EEPD1: variants seen among roughly 807,000 people sequenced by gnomAD.
EEPD1 encodes endonuclease/exonuclease/phosphatase family domain-containing protein 1.
Under a neutral mutation model 46.3 loss-of-function variants are expected in EEPD1, and 17 were observed. The observed-to-expected ratio is 0.37, with a 90% CI of 0.25 to 0.55. EEPD1 has a LOEUF of 0.55. Ranked by LOEUF, EEPD1 falls within the 20% of genes least tolerant of loss-of-function variation. The pLI is 0.83. For missense variants in EEPD1, 673 were observed against 745.6 expected, an observed-to-expected ratio of 0.90 and a Z score of 1.13; for synonymous variants, 313 against 315.6, an observed-to-expected ratio of 0.99 and a Z score of 0.09.
Position 36,299,418 on chromosome 7 carries a change from C to G in EEPD1, c.*212C>G. Reference sequence around the variant, plus strand: ...CGCGTACCCCACCAGGTGGGCAAAGCAGAAACCTGCGGGGAGCGGAGACGC... The same window carrying G: ...CGCGTACCCCACCAGGTGGGCAAAGGAGAAACCTGCGGGGAGCGGAGACGC... On this transcript the variant is annotated 3_prime_UTR_variant, in exon 8 of 8. Coordinates refer to ENST00000242108, the MANE Select transcript of EEPD1 (RefSeq NM_030636.3). 1 of 620,020 alleles carries G rather than the reference C, an allele frequency of 1.6e-6. No individual in the cohort carries two copies. Among genetic ancestry groups the G allele is most frequent in the Admixed American group, 3.0e-5 (1 of 33,612 alleles). The allele number at this position is 620,020 out of a possible 1,614,324, so 38.4% of individuals were successfully genotyped here. A position where few individuals can be genotyped will look rare whatever the true frequency, so the allele number is the denominator to read the frequency against.
At chr7:36,158,965 G>A (rs1784864830) in intron 2 of EEPD1, among the ~76,000 whole-genome samples, 1 of 152,194 alleles carries the variant, frequency 6.6e-6, no homozygotes, top group Admixed American at 6.5e-5. Flanking sequence ...GAGAACTTGA[G>A]TGTCAAAGTC....
rs528988821 is a variant in EEPD1, at chr7:36,246,341, C to T, written c.930+7305C>T. Among the ~76,000 whole-genome samples, 7 of 152,332 alleles carry T rather than the reference C, an allele frequency of 4.6e-5. No individual in the cohort carries two copies. The East Asian group carries it at 1.3e-3, about 29-fold the overall frequency. The stretch of plus-strand genomic sequence containing the variant: ...TTTGCCAGCTGGGGGACATAGGAGG[C>T]CAGGTACTGGCTAGCCTCTGTTTCT... On this transcript the variant is annotated intron_variant, in intron 3 of 7. Coordinates refer to ENST00000242108, the MANE Select transcript of EEPD1 (RefSeq NM_030636.3).
Position 36,227,609 on chromosome 7 carries a change from T to A in EEPD1, c.879-11376T>A, listed in dbSNP as rs182552408. On this transcript the variant is annotated intron_variant, in intron 2 of 7. Coordinates refer to ENST00000242108, the MANE Select transcript of EEPD1 (RefSeq NM_030636.3). ...ACCCATGATGTCTTCTAAAATTTGG[T>A]GATAAAAACAAGAGACAAGAAATTT... Among the ~76,000 whole-genome samples, 1,205 of 152,252 alleles carry A rather than the reference T, an allele frequency of 7.9e-3. 69 individuals carry two copies. Among genetic ancestry groups the A allele is most frequent in the Admixed American group, 0.066 (1,012 of 15,290 alleles).
chr7:36,246,541 A>T (rs1003354868), intron 3 of EEPD1, among the ~76,000 whole-genome samples: 11 of 152,140 alleles, frequency 7.2e-5, no homozygotes, highest in South Asian at 6.2e-4. Context: ...CATCATCATC[A>T]CTGGCATCTC....
intron 3 of EEPD1, among the ~76,000 whole-genome samples, chr7:36,240,610 C>A (rs769256656): frequency 6.6e-6 from 1 of 152,198 alleles, no homozygotes; most frequent in African/African-American, 2.4e-5. Context: ...TAAAAGACAT[C>A]ATCGGGCCAA....
chr7:36,222,889 G>A (rs1041153834), intron 2 of EEPD1, among the ~76,000 whole-genome samples: 9 of 152,272 alleles, frequency 5.9e-5, no homozygotes, highest in East Asian at 1.9e-4. Flanking sequence ...GGTGGCTCAC[G>A]CCTGTAATCC....
chr7:36,213,310 G>A (rs1017432794), intron 2 of EEPD1, among the ~76,000 whole-genome samples: 18 of 152,160 alleles, frequency 1.2e-4, no homozygotes, highest in African/African-American at 1.7e-4. Context: ...GAATGGGGGC[G>A]TTCAAGAATA....
intron 2 of EEPD1, among the ~76,000 whole-genome samples, chr7:36,191,197 A>G (rs1410387173): frequency 7.9e-5 from 12 of 152,214 alleles, no homozygotes; most frequent in Admixed American, 7.9e-4. Flanking sequence ...GTTATCTTGG[A>G]TGACTTGGGT....
At chr7:36,164,546 G>A (rs530553422) in intron 2 of EEPD1, among the ~76,000 whole-genome samples, 210 of 152,298 alleles carry the variant, frequency 1.4e-3, no homozygotes, top group Admixed American at 3.7e-3. Flanking sequence ...GGTTACTGTT[G>A]TACCCATGTT....
At chr7:36,219,775 A>AAG (rs752270283) in intron 2 of EEPD1, among the ~76,000 whole-genome samples, 89 of 119,004 alleles carry the variant, frequency 7.5e-4, no homozygotes, top group African/African-American at 2.9e-3. Context: ...GAGAGAGAGA[A>AAG]AGAGAGAGAG....
chr7:36,250,055 C>CA (rs1786709515), intron 3 of EEPD1, among the ~76,000 whole-genome samples: 1 of 151,878 alleles, frequency 6.6e-6, no homozygotes, highest in African/African-American at 2.4e-5. Flanking sequence ...CCTGTCTCTA[C>CA]AAAAAAGTTT....
At chr7:36,257,145 G>A (rs1178058804) in intron 3 of EEPD1, among the ~76,000 whole-genome samples, 6 of 152,142 alleles carry the variant, frequency 3.9e-5, no homozygotes, top group African/African-American at 1.4e-4. Context: ...GTTGAATATT[G>A]GCCCCCACTT....
chr7:36,284,970 G>C (rs1787321213), intron 5 of EEPD1, 150 bp downstream of exon 5: 6 of 1,146,228 alleles, frequency 5.2e-6, no homozygotes, highest in Non-Finnish European at 5.8e-6. Context: ...GTCTCTCCTG[G>C]GGCTTCCTTG....
chr7:36,268,477 G>T (rs768577717), intron 3 of EEPD1, among the ~76,000 whole-genome samples: 2 of 152,080 alleles, frequency 1.3e-5, no homozygotes, highest in Admixed American at 1.3e-4. Flanking sequence ...AATTTTTGTC[G>T]AATGATCAGA....
At chr7:36,242,709 G>T (rs1374872530) in intron 3 of EEPD1, among the ~76,000 whole-genome samples, 1 of 151,044 alleles carries the variant, frequency 6.6e-6, no homozygotes, top group East Asian at 1.9e-4. Context: ...GATCACCTGA[G>T]GTCGGGAGTT....
chr7:36,201,625 G>A (rs144234636), intron 2 of EEPD1, among the ~76,000 whole-genome samples: 17 of 152,264 alleles, frequency 1.1e-4, no homozygotes, highest in African/African-American at 4.1e-4. Flanking sequence ...GTTCACAGTA[G>A]GTGATACTCC....
rs1786219547 is a variant in EEPD1 at position 36,225,615 on chromosome 7, T to G, written c.879-13370T>G. Among the ~76,000 whole-genome samples, 1 of 152,212 alleles carries G rather than the reference T, an allele frequency of 6.6e-6. No homozygotes were observed. The highest frequency in any genetic ancestry group is 1.5e-5 in the Non-Finnish European group (1 of 68,034). ...AAAAATTAAGTCGACTTTAGACTTGTTCTGTATAACAAAGAGACTGTGTTT... is the reference window on the plus strand; with the variant it reads ...AAAAATTAAGTCGACTTTAGACTTGGTCTGTATAACAAAGAGACTGTGTTT... On this transcript the variant is annotated intron_variant, in intron 2 of 7. Transcript: ENST00000242108. The surrounding 1 kb of genome is among the most constrained non-coding windows in gnomAD (Gnocchi z 4.2).
chr7:36,268,049 G>A (rs929142521), intron 3 of EEPD1, among the ~76,000 whole-genome samples: 1 of 152,190 alleles, frequency 6.6e-6, no homozygotes, highest in Non-Finnish European at 1.5e-5. Context: ...GTAAATATTT[G>A]TTTTTTGAGC....
rs565770059 is a variant in EEPD1, at chr7:36,195,711, T to A, written c.878+40509T>A. On this transcript the variant is annotated intron_variant, in intron 2 of 7. Coordinates refer to ENST00000242108, the MANE Select transcript of EEPD1 (RefSeq NM_030636.3). Reference sequence around the variant, plus strand: ...TCATGGTGGCTGTAGAGAATAACAATGTATTCTATAATTGAAAATTACTGA... The same window carrying A: ...TCATGGTGGCTGTAGAGAATAACAAAGTATTCTATAATTGAAAATTACTGA... Among the ~76,000 whole-genome samples the A allele has an allele frequency of 2.0e-4, 30 of 152,268 alleles. No homozygotes were observed. The South Asian group carries it at 5.4e-3, about 27-fold the overall frequency.
Sources: allele counts gnomAD v4.1 joint callset (sites outside exome capture counted in the v4.1 genomes callset), GRCh38; gene constraint gnomAD v4.1.1; non-coding constraint Gnocchi (gnomAD v3.1); transcripts MANE v1.5; gene names NCBI Gene and HGNC (gene_info 2026-07-23, HGNC 2026-07-21).